ATP13A5: variants seen among roughly 807,000 people sequenced by gnomAD.
ATP13A5 encodes probable cation-transporting ATPase 13A5.
In ATP13A5, 149 loss-of-function variants were observed where a neutral mutation model predicts 150.2. That is an observed-to-expected ratio of 0.99 (90% CI 0.87 to 1.14). ATP13A5 has a LOEUF of 1.14. Among genes scored for constraint, ATP13A5 ranks in the 50% most tolerant of loss-of-function variants. The probability of loss-of-function intolerance (pLI) is 0.00; values close to 1 mark genes in which losing one functional copy is unlikely to be tolerated. For synonymous variants in ATP13A5, 497 were observed against 522.2 expected (o/e 0.95, Z 0.66); for missense variants, 1,383 against 1,449.3 (o/e 0.95, Z 0.74).
chr3:193,314,472 G>A (rs1303611839), intron 18 of ATP13A5: 4 of 369,926 alleles, frequency 1.1e-5, no homozygotes, highest in Non-Finnish European at 2.0e-5. Context: ...ATCCTCAGAA[G>A]ACAGACAACT....
chr3:193,322,486 C>T lies in ATP13A5; in HGVS notation c.1758+5G>A, dbSNP rs542722837. On this transcript the variant is annotated splice_donor_5th_base_variant and intron_variant, in intron 15 of 29. Coordinates refer to ENST00000342358, the MANE Select transcript of ATP13A5 (RefSeq NM_198505.4). ...AGCTATGTGATGTAAAGAAGGAAAT[C>T]ATACCTTACTGGCTTTTGGTCCTGG... The T allele has an allele frequency of 6.2e-7, 1 of 1,609,326 alleles. No individual in the cohort carries two copies. The highest frequency in any genetic ancestry group is 2.2e-5 in the East Asian group (1 of 44,840).
rs1355033517 is a variant in ATP13A5 at position 193,362,660 on chromosome 3, G to A, written c.385-23C>T. 3 of 1,610,702 alleles carry A rather than the reference G, an allele frequency of 1.9e-6. No individual in the cohort carries two copies. In the East Asian group the frequency reaches 6.7e-5, roughly 36 times the overall value. On this transcript the variant is annotated intron_variant, in intron 3 of 29. Coordinates refer to ENST00000342358, the MANE Select transcript of ATP13A5 (RefSeq NM_198505.4). ...CAGCTACGATTGCAAATGTGATAGA[G>A]CAGGTGTCATTCACAGCATAAAGCT...
In ATP13A5 at chr3:193,344,204, C is replaced by A. The variant is rs1198432668; in HGVS notation, c.815-149G>T. ...GCCCCTTTTTAGTCAATTGAAAATT[C>A]CGAAAGAATCAGGATTAGGAAATTG... is the stretch of plus-strand genomic sequence containing the variant. On this transcript the variant is annotated intron_variant, in intron 8 of 29. Transcript: ENST00000342358. 8 of 1,048,498 alleles carry A rather than the reference C, an allele frequency of 7.6e-6. No homozygotes were observed. In the South Asian group the frequency reaches 1.2e-4, roughly 16 times the overall value. The allele number at this position is 1,048,498 out of a possible 1,614,324, so 64.9% of individuals were successfully genotyped here.
At chr3:193,373,385 C>T (rs1371112933) in intron 1 of ATP13A5, among the ~76,000 whole-genome samples, 1 of 152,100 alleles carries the variant, frequency 6.6e-6, no homozygotes, top group Non-Finnish European at 1.5e-5. Flanking sequence ...CTCAGGTGAT[C>T]CACCTGCCTC....
intron 23 of ATP13A5, among the ~76,000 whole-genome samples, chr3:193,303,157 G>A (rs1397577389): frequency 1.3e-5 from 2 of 152,138 alleles, no homozygotes; most frequent in African/African-American, 4.8e-5. Flanking sequence ...ATTCTCATCT[G>A]AGAAGTCTTC....
At chr3:193,314,342 C>G in intron 18 of ATP13A5, 149 bp from the exon 19 acceptor site, 1 of 789,586 alleles carries the variant, frequency 1.3e-6, no homozygotes, top group Non-Finnish European at 2.0e-6. Flanking sequence ...CTGTAGACTG[C>G]CCCTACTGGG....
At chr3:193,281,065 G>A (rs1379808741) in intron 27 of ATP13A5, 1 of 336,522 alleles carries the variant, frequency 3.0e-6, no homozygotes, top group Non-Finnish European at 4.2e-6. Flanking sequence ...CGTCTCAGAA[G>A]TGCTTGGGAA....
At chr3:193,319,169 C>G in intron 16 of ATP13A5, 61 bp from the exon 17 acceptor site, 1 of 1,198,324 alleles carries the variant, frequency 8.3e-7, no homozygotes, top group Non-Finnish European at 1.2e-6. Flanking sequence ...CTAAGCAAGA[C>G]TCCAGGACAC....
At position 193,322,591 on chromosome 3, in the gene ATP13A5, A is replaced by G; in HGVS notation, c.1675-17T>C. On this transcript the variant is annotated splice_polypyrimidine_tract_variant and intron_variant, in intron 14 of 29. Coordinates refer to ENST00000342358, the MANE Select transcript of ATP13A5 (RefSeq NM_198505.4). ...TTCCATTTTCTGTTATAAAATGAAA[A>G]CATTCATAAGATTCTTTGAATAAAA... 1 of 1,520,510 alleles carries G rather than the reference A, an allele frequency of 6.6e-7. No homozygotes were observed. The highest frequency in any genetic ancestry group is 9.1e-7 in the Non-Finnish European group (1 of 1,097,494). 94.2% of individuals were successfully genotyped at this position (1,520,510 alleles called of 1,614,324 possible). A position where few individuals can be genotyped will look rare whatever the true frequency, so the allele number is the denominator to read the frequency against.
At chr3:193,333,951 C>A (rs116155022) in intron 10 of ATP13A5, 44 bp from the exon 11 acceptor site, 3 of 1,566,256 alleles carry the variant, frequency 1.9e-6, no homozygotes, top group Non-Finnish European at 1.7e-6. Flanking sequence ...GCTTGATGGA[C>A]ACTTGGTCTC....
At chr3:193,364,479 A>G (rs1560152143) in intron 1 of ATP13A5, among the ~76,000 whole-genome samples, 199 bp from the exon 2 acceptor site, 2 of 152,198 alleles carry the variant, frequency 1.3e-5, no homozygotes, top group Non-Finnish European at 2.9e-5. Context: ...CTACCCTGGT[A>G]TATGGAACTA....
chr3:193,347,439 C>T (rs555649314), intron 7 of ATP13A5, among the ~76,000 whole-genome samples: 2 of 152,062 alleles, frequency 1.3e-5, no homozygotes, highest in South Asian at 4.2e-4. Context: ...GACTCTAAAA[C>T]CTTTTCTGTT....
intron 2 of ATP13A5, 32 bp downstream of exon 2, chr3:193,364,075 G>A (rs923495): frequency 0.27 from 426,184 of 1,606,554 alleles, 57,726 homozygotes; most frequent in African/African-American, 0.34. Context: ...CACGATCATG[G>A]CTTTCAAAAT....
chr3:193,373,060 T>C (rs1257874480), intron 1 of ATP13A5, among the ~76,000 whole-genome samples: 2 of 152,210 alleles, frequency 1.3e-5, no homozygotes, highest in South Asian at 2.1e-4. Context: ...AAGTTCTTTA[T>C]TGGAGGACAA....
At chr3:193,371,456 G>A (rs1426349810) in intron 1 of ATP13A5, among the ~76,000 whole-genome samples, 1 of 152,214 alleles carries the variant, frequency 6.6e-6, no homozygotes, top group Non-Finnish European at 1.5e-5. Context: ...AGTTTTTATG[G>A]GTTGGGTATT....
rs534792851 is a variant in ATP13A5, at chr3:193,364,511, T to C, written c.64-231A>G. On this transcript the variant is annotated intron_variant, in intron 1 of 29. Transcript: ENST00000342358. ...ACTAAAACATTAAACAGAAAGAGTA[T>C]GGAAAGGGCAGATTTATTTGCTTCT... Among the ~76,000 whole-genome samples, 5 of 152,244 alleles carry C rather than the reference T, an allele frequency of 3.3e-5. No individual in the cohort carries two copies. In the East Asian group the frequency reaches 9.7e-4, roughly 29 times the overall value.
intron 20 of ATP13A5, among the ~76,000 whole-genome samples, chr3:193,311,501 C>T (rs896294938): frequency 6.6e-6 from 1 of 152,038 alleles, no homozygotes; most frequent in Non-Finnish European, 1.5e-5. Flanking sequence ...AGAAGCTGGC[C>T]CTCAAAACAA....
At chr3:193,353,864 C>CCCACCA (rs1245931448) in intron 6 of ATP13A5, among the ~76,000 whole-genome samples, 7 of 151,016 alleles carry the variant, frequency 4.6e-5, no homozygotes, top group African/African-American at 1.7e-4. Flanking sequence ...GACTAACCAC[C>CCCACCA]CCACCACCAC....
chr3:193,351,047 G>C lies in ATP13A5; in HGVS notation c.741+20C>G. ...TTAGCTAGAAGCTAAATAGAATCTGGCTGTGATTTCAGGTCTTACCTGTCG... is the reference window on the plus strand; with the variant it reads ...TTAGCTAGAAGCTAAATAGAATCTGCCTGTGATTTCAGGTCTTACCTGTCG... On this transcript the variant is annotated intron_variant, in intron 7 of 29. Coordinates refer to ENST00000342358, the MANE Select transcript of ATP13A5 (RefSeq NM_198505.4). 1 of 1,611,586 alleles carries C rather than the reference G, an allele frequency of 6.2e-7. No homozygotes were observed. Among genetic ancestry groups the C allele is most frequent in the Admixed American group, 1.7e-5 (1 of 59,898 alleles).
Sources: gnomAD v4.1 joint callset for allele counts (sites outside exome capture counted in the v4.1 genomes callset) on GRCh38, gnomAD v4.1.1 for gene constraint, MANE v1.5 for transcripts, NCBI Gene and HGNC (gene_info 2026-07-23, HGNC 2026-07-21) for gene names.